The following ACACA variants were observed in gnomAD, a reference collection of about 807,000 sequenced individuals.
ACACA encodes acetyl-CoA carboxylase alpha, also known as acetyl-CoA carboxylase 1.
Under a neutral mutation model 296.1 loss-of-function variants are expected in ACACA, and 103 were observed. That is an observed-to-expected ratio of 0.35 (90% confidence interval 0.30 to 0.41). ACACA has a LOEUF of 0.41. Ranked by LOEUF, ACACA falls within the 10% of genes least tolerant of loss-of-function variation. The pLI is 1.00. For synonymous variants in ACACA, 953 were observed against 1,038.6 expected (o/e 0.92, Z 1.58); for missense variants, 1,554 against 2,989.7 (o/e 0.52, Z 11.20).
At chr17:37,406,133 C>A in intron 1 of ACACA, 129 bp downstream of exon 1, 1 of 1,047,686 alleles carries the variant, frequency 9.5e-7, no homozygotes, top group Non-Finnish European at 1.5e-6. Context: ...AGGTGCCTAC[C>A]TCACAAGTTT....
chr17:37,334,855 G>T (rs1211258022), intron 2 of ACACA, among the ~76,000 whole-genome samples: 2 of 152,030 alleles, frequency 1.3e-5, no homozygotes, highest in Non-Finnish European at 2.9e-5. Context: ...GTTTATCTAA[G>T]GGAACCCCCA....
At chr17:37,340,135 A>G (rs983493709) in intron 1 of ACACA, among the ~76,000 whole-genome samples, 1 of 152,226 alleles carries the variant, frequency 6.6e-6, no homozygotes, top group African/African-American at 2.4e-5. Flanking sequence ...CGATGAATAC[A>G]TTTCAAAATT....
intron 1 of ACACA, among the ~76,000 whole-genome samples, chr17:37,377,718 T>C (rs1354571978): frequency 1.3e-5 from 2 of 151,922 alleles, no homozygotes; most frequent in Non-Finnish European, 2.9e-5. Flanking sequence ...TAAAGTCTTT[T>C]TAGAGAGTGT....
At chr17:37,331,158 C>A (rs2047863920) in intron 2 of ACACA, among the ~76,000 whole-genome samples, 1 of 151,748 alleles carries the variant, frequency 6.6e-6, no homozygotes, top group African/African-American at 2.4e-5. Flanking sequence ...CGCTCTGTTG[C>A]CCAGGCTGGA....
Position 37,085,187 on chromosome 17 carries a change from A to G in ACACA, c.*2129T>C, listed in dbSNP as rs1382698900. On this transcript the variant is annotated 3_prime_UTR_variant, in exon 56 of 56. Coordinates refer to ENST00000616317, the MANE Select transcript of ACACA (RefSeq NM_198834.3). ...CCATCATTTATACTCCTCCTGCCTT[A>G]GTAGCCTTGCATGTTTGAGGGGCTG... 6.3e-6 allele frequency: 1 copy of G among 159,604 alleles called. No homozygotes were observed. Among genetic ancestry groups the G allele is most frequent in the Non-Finnish European group, 1.4e-5 (1 of 73,324 alleles). 9.9% of individuals were successfully genotyped at this position (159,604 alleles called of 1,614,324 possible).
intron 47 of ACACA, among the ~76,000 whole-genome samples, chr17:37,128,023 TCAAAAAA>T (rs1394273328): frequency 4.1e-3 from 92 of 22,552 alleles, no homozygotes; most frequent in Admixed American, 7.5e-3. Context: ...AAACTCCATC[TCAAAAAA>T]AAAAAAAAAA....
rs991983861 is a variant in ACACA, at chr17:37,325,880, T to G, written c.338+4293A>C. The stretch of plus-strand genomic sequence containing the variant: ...TGAGCCACCACGCCCAGCCAGGGTC[T>G]TATTTTCAAATGTTTGGGTCATAAA... On this transcript the variant is annotated intron_variant, in intron 3 of 55. Transcript: ENST00000616317. Among the ~76,000 whole-genome samples, 18 of 151,738 alleles carry G rather than the reference T, an allele frequency of 1.2e-4. 1 individual carries two copies. Among genetic ancestry groups the G allele is most frequent in the Admixed American group, 9.2e-4 (14 of 15,240 alleles).
At chr17:37,282,337 G>A (rs1439790106) in intron 5 of ACACA, among the ~76,000 whole-genome samples, 1 of 152,188 alleles carries the variant, frequency 6.6e-6, no homozygotes, top group African/African-American at 2.4e-5. Flanking sequence ...CAGAGCAGAT[G>A]CCAGCACCAT....
At chr17:37,301,717 T>C (rs192392183) in intron 3 of ACACA, among the ~76,000 whole-genome samples, 1 of 152,306 alleles carries the variant, frequency 6.6e-6, no homozygotes. Flanking sequence ...GACTTTATAG[T>C]AGGTTTTGAA....
chr17:37,137,967 G>A (rs1392676752), intron 45 of ACACA, among the ~76,000 whole-genome samples: 2 of 152,048 alleles, frequency 1.3e-5, no homozygotes, highest in African/African-American at 4.8e-5. Context: ...GTTAAATTTG[G>A]GTGGGTTCTT....
At position 37,276,057 on chromosome 17, in the gene ACACA, C is replaced by G; in HGVS notation, c.803-8G>C. On this transcript the variant is annotated splice_region_variant and splice_polypyrimidine_tract_variant and intron_variant, in intron 7 of 55. Coordinates refer to ENST00000616317, the MANE Select transcript of ACACA (RefSeq NM_198834.3). Reference sequence around the variant, plus strand: ...TGGCCTGGCTTGGAGGACCTAAAAACGAAACAGGAAAAGAATCCTGACTGT... The same window carrying G: ...TGGCCTGGCTTGGAGGACCTAAAAAGGAAACAGGAAAAGAATCCTGACTGT... 6.2e-7 allele frequency: 1 copy of G among 1,610,214 alleles called. No individual in the cohort carries two copies. Among genetic ancestry groups the G allele is most frequent in the Non-Finnish European group, 8.5e-7 (1 of 1,176,388 alleles).
At position 37,210,461 on chromosome 17, in the gene ACACA, C is replaced by T. The variant is rs953333326; in HGVS notation, c.3707+6G>A. The T allele has an allele frequency of 2.5e-6, 4 of 1,609,392 alleles. No homozygotes were observed. The highest frequency in any genetic ancestry group is 1.1e-5 in the South Asian group (1 of 90,932). ...TTAATTGGAAAAGAAACTAAACATA[C>T]GGTACCTGTTTAGCGTAGGGATGTT... On this transcript the variant is annotated splice_donor_region_variant and intron_variant, in intron 30 of 55. Coordinates refer to ENST00000616317, the MANE Select transcript of ACACA (RefSeq NM_198834.3).
Position 37,263,753 on chromosome 17 carries a change from G to T in ACACA, c.1261C>A (p.His421Asn). The change falls in exon 11 of 56, where the codon CAT (histidine) becomes AAT (asparagine). Residue 421 changes from histidine to asparagine, a missense_variant. Transcript: ENST00000616317. ...GGTGCTTCTTCAATAATCTTCTGAT[G>T]CCTGCGTTGTACAGAGCAATCACGA... ...FGRDCSVQRR[H>N]QKIIEEAPAT... is the part of the protein sequence containing the mutation. 6.2e-7 allele frequency: 1 copy of T among 1,614,008 alleles called. No homozygotes were observed. Among genetic ancestry groups the T allele is most frequent in the Non-Finnish European group, 8.5e-7 (1 of 1,180,000 alleles).
At chr17:37,239,020 G>A (rs2145904875) in intron 24 of ACACA, among the ~76,000 whole-genome samples, 1 of 152,066 alleles carries the variant, frequency 6.6e-6, no homozygotes, top group South Asian at 2.1e-4. Flanking sequence ...GTAGAGATGG[G>A]GTCTCACTAT....
At chr17:37,104,005 T>C (rs2073522285) in intron 52 of ACACA, among the ~76,000 whole-genome samples, 1 of 152,324 alleles carries the variant, frequency 6.6e-6, no homozygotes, top group Middle Eastern at 3.4e-3. Context: ...ATTGTGCTGC[T>C]GCACTCCAGC....
chr17:37,366,321 A>G (rs942277730), intron 1 of ACACA, among the ~76,000 whole-genome samples: 4 of 152,212 alleles, frequency 2.6e-5, no homozygotes, highest in Admixed American at 1.3e-4. Context: ...AACACAATAC[A>G]TAATAAAATA....
intron 39 of ACACA, among the ~76,000 whole-genome samples, chr17:37,183,583 C>T (rs1010228704): frequency 2.6e-5 from 4 of 152,010 alleles, no homozygotes; most frequent in Non-Finnish European, 5.9e-5. Flanking sequence ...AATCCCAGCG[C>T]TTTGGGAGGC....
At chr17:37,360,194 G>A (rs892896012) in intron 1 of ACACA, 6 of 152,168 alleles carry the variant, frequency 3.9e-5, no homozygotes, top group Non-Finnish European at 8.8e-5. Context: ...TTGCACTTGA[G>A]AAGAACAGGG....
chr17:37,276,850 C>CA (rs905501189), intron 7 of ACACA, among the ~76,000 whole-genome samples, 183 bp downstream of exon 7: 3 of 140,594 alleles, frequency 2.1e-5, no homozygotes, highest in African/African-American at 8.0e-5. Flanking sequence ...GTGAGATAAG[C>CA]AAAAAATGAA....
Sources: allele counts gnomAD v4.1 joint callset (sites outside exome capture counted in the v4.1 genomes callset), GRCh38; gene constraint gnomAD v4.1.1; transcripts MANE v1.5; gene names NCBI Gene and HGNC (gene_info 2026-07-23, HGNC 2026-07-21).